Variants in WSCD2 observed in about 807,000 individuals in gnomAD.
WSCD2 encodes sialate:O-sulfotransferase 2.
Under a neutral mutation model 55.7 loss-of-function variants are expected in WSCD2, and 28 were observed. That is an observed-to-expected ratio of 0.50 (90% CI 0.37 to 0.69). The LOEUF (loss-of-function observed/expected upper bound fraction) is 0.69. Among genes scored for constraint, WSCD2 ranks in the 30% least tolerant of loss-of-function variants. The pLI, the probability that WSCD2 is intolerant of heterozygous loss-of-function variation, is 0.00. For missense variants in WSCD2, 616 were observed against 762.1 expected (o/e 0.81, Z 2.26); for synonymous variants, 301 against 301.9 (o/e 1.00, Z 0.03).
At chr12:108,229,712 A>G (rs1441851565) in intron 6 of WSCD2, among the ~76,000 whole-genome samples, 1 of 152,184 alleles carries the variant, frequency 6.6e-6, no homozygotes, top group Non-Finnish European at 1.5e-5. Context: ...TAGGAACCAA[A>G]TCAACTTTCT....
At chr12:108,142,759 C>A (rs1876967476) in intron 1 of WSCD2, among the ~76,000 whole-genome samples, 1 of 152,178 alleles carries the variant, frequency 6.6e-6, no homozygotes, top group African/African-American at 2.4e-5. Flanking sequence ...GTCTCTCTTT[C>A]TGGTCACCTC....
At chr12:108,190,253 T>A (rs1882995252) in intron 1 of WSCD2, among the ~76,000 whole-genome samples, 1 of 152,214 alleles carries the variant, frequency 6.6e-6, no homozygotes, top group Non-Finnish European at 1.5e-5. Flanking sequence ...ACTGAAATTT[T>A]ACCTGGGCTC....
intron 1 of WSCD2, among the ~76,000 whole-genome samples, chr12:108,179,187 C>T (rs372168070): frequency 7.9e-5 from 12 of 151,034 alleles, no homozygotes; most frequent in East Asian, 7.8e-4. Context: ...GCATCAACAT[C>T]GCCTGGAAGC....
chr12:108,163,315 G>A (rs760333131), intron 1 of WSCD2, among the ~76,000 whole-genome samples: 6 of 152,126 alleles, frequency 3.9e-5, no homozygotes, highest in African/African-American at 1.4e-4. Context: ...CTTGCAGTGA[G>A]CAGAGATTGC....
intron 1 of WSCD2, among the ~76,000 whole-genome samples, chr12:108,149,057 G>A (rs1367744687): frequency 1.3e-5 from 2 of 152,172 alleles, no homozygotes; most frequent in Non-Finnish European, 2.9e-5. Flanking sequence ...ATGATCAAAG[G>A]ATTCTCACTG....
intron 3 of WSCD2, among the ~76,000 whole-genome samples, chr12:108,209,058 A>T (rs1483051752): frequency 6.6e-6 from 1 of 151,950 alleles, no homozygotes; most frequent in East Asian, 1.9e-4. Context: ...CCTCCATCTC[A>T]GGTTTTGTCC....
intron 6 of WSCD2, among the ~76,000 whole-genome samples, chr12:108,228,776 A>G (rs945807275): frequency 6.6e-6 from 1 of 152,214 alleles, no homozygotes; most frequent in African/African-American, 2.4e-5. Context: ...ATGGGGTACC[A>G]GTGGTGATCA....
At chr12:108,165,180 A>G (rs893210159) in intron 1 of WSCD2, among the ~76,000 whole-genome samples, 4 of 152,180 alleles carry the variant, frequency 2.6e-5, no homozygotes, top group Non-Finnish European at 5.9e-5. Context: ...TTGACCATTT[A>G]CAGTAAAGTA....
At chr12:108,132,532 G>A (rs531566083) in intron 1 of WSCD2, among the ~76,000 whole-genome samples, 51 of 152,322 alleles carry the variant, frequency 3.3e-4, no homozygotes, top group South Asian at 6.2e-4. Flanking sequence ...GAGTGTGCGT[G>A]TGCATGCCTG....
intron 1 of WSCD2, among the ~76,000 whole-genome samples, chr12:108,148,540 T>C (rs1490698625): frequency 1.3e-5 from 2 of 152,210 alleles, no homozygotes; most frequent in Admixed American, 1.3e-4. Context: ...ATTATACTTA[T>C]GATGGTGATC....
At chr12:108,188,521 G>A (rs17040284) in intron 1 of WSCD2, among the ~76,000 whole-genome samples, 35,394 of 151,906 alleles carry the variant, frequency 0.23, 4,937 homozygotes, top group Admixed American at 0.36. Flanking sequence ...CCTTCCCTAG[G>A]GTTAGCTGGG....
chr12:108,130,523 AAGAG>A (rs1875395142), intron 1 of WSCD2, among the ~76,000 whole-genome samples: 3 of 112,272 alleles, frequency 2.7e-5, no homozygotes, highest in Non-Finnish European at 5.7e-5. Flanking sequence ...TGTGTGTGTA[AAGAG>A]AGAGAGGGAA....
chr12:108,206,173 A>G (rs983013548), intron 2 of WSCD2, 116 bp from the exon 3 acceptor site: 1 of 805,592 alleles, frequency 1.2e-6, no homozygotes, highest in East Asian at 2.5e-5. Flanking sequence ...CAAAGGAAGG[A>G]CTTGACATTA....
intron 1 of WSCD2, among the ~76,000 whole-genome samples, chr12:108,135,761 G>A (rs1207493274): frequency 1.3e-5 from 2 of 152,226 alleles, no homozygotes; most frequent in Admixed American, 1.3e-4. Flanking sequence ...GCTTGGAATG[G>A]TCTAGAATAG....
At chr12:108,191,539 G>A (rs1189481030) in intron 1 of WSCD2, among the ~76,000 whole-genome samples, 4 of 152,202 alleles carry the variant, frequency 2.6e-5, no homozygotes, top group African/African-American at 9.7e-5. Flanking sequence ...CCTCCACAGA[G>A]CCCTGGATTT....
intron 4 of WSCD2, among the ~76,000 whole-genome samples, chr12:108,211,528 C>T (rs1172438095): frequency 6.6e-6 from 1 of 152,028 alleles, no homozygotes; most frequent in East Asian, 1.9e-4. Context: ...AGAAAGTTAA[C>T]AGCTAGTCTG....
chr12:108,151,875 T>G (rs1878039150), intron 1 of WSCD2, among the ~76,000 whole-genome samples: 1 of 152,226 alleles, frequency 6.6e-6, no homozygotes, highest in Non-Finnish European at 1.5e-5. Context: ...TAGAATTGTG[T>G]TTGCCTCCCC....
At chr12:108,183,498 G>C (rs1286704010) in intron 1 of WSCD2, among the ~76,000 whole-genome samples, 1 of 152,172 alleles carries the variant, frequency 6.6e-6, no homozygotes. Flanking sequence ...TGGTACGATG[G>C]TGTCCAAGTG....
intron 1 of WSCD2, among the ~76,000 whole-genome samples, chr12:108,190,985 T>G (rs1463165729): frequency 6.6e-6 from 1 of 152,194 alleles, no homozygotes; most frequent in East Asian, 1.9e-4. Flanking sequence ...AGATGGCAGC[T>G]CAGAGAGATG....
Sources: gnomAD v4.1 joint callset for allele counts (sites outside exome capture counted in the v4.1 genomes callset) on GRCh38, gnomAD v4.1.1 for gene constraint, MANE v1.5 for transcripts, NCBI Gene and HGNC (gene_info 2026-07-23, HGNC 2026-07-21) for gene names.